Variants in NIN observed in about 807,000 individuals in gnomAD.
The protein encoded by NIN is glycogen synthase kinase 3 beta-interacting protein.
A neutral mutation model predicts 257.6 loss-of-function variants in NIN; 137 were observed. The ratio of observed to expected loss-of-function variants is 0.53; its 90% CI spans 0.46 to 0.61. The LOEUF is 0.61. Ranked by LOEUF, NIN falls within the 20% of genes least tolerant of loss-of-function variation. NIN has a pLI of 0.00. For missense variants in NIN, 2,439 were observed against 2,501.2 expected, an observed-to-expected ratio of 0.98 and a Z score of 0.53; for synonymous variants, 918 against 919.8, an observed-to-expected ratio of 1.00 and a Z score of 0.04.
Position 50,792,706 on chromosome 14 carries a change from C to A in NIN, c.435+6G>T. On this transcript the variant is annotated splice_donor_region_variant and intron_variant, in intron 5 of 30. Coordinates refer to ENST00000530997, the MANE Select transcript of NIN (RefSeq NM_020921.4). ...TCCAGATGAACGTGCATGCCCGATT[C>A]CTTACCTCACTGCAGTCACCGGCTG... 6.2e-7 allele frequency: 1 copy of A among 1,614,140 alleles called. No individual in the cohort carries two copies. The highest frequency in any genetic ancestry group is 8.5e-7 in the Non-Finnish European group (1 of 1,180,010).
rs531883956 is a variant in NIN, at chr14:50,793,314, C to T, written c.266-433G>A. 1.9e-4 allele frequency among the ~76,000 whole-genome samples: 29 copies of T among 151,960 alleles called. 1 individual carries two copies. The South Asian group carries it at 4.6e-3, about 24-fold the overall frequency. ...CAAATCAGCACTGTATACTCAGTAT[C>T]CACATCAATTAGTCTGAAACACCCT... On this transcript the variant is annotated intron_variant, in intron 4 of 30. Coordinates refer to ENST00000530997, the MANE Select transcript of NIN (RefSeq NM_020921.4).
chr14:50,809,920 G>A (rs909178939), intron 3 of NIN, among the ~76,000 whole-genome samples: 1 of 152,078 alleles, frequency 6.6e-6, no homozygotes, highest in African/African-American at 2.4e-5. Context: ...CAAAAGCTGA[G>A]GGAGGTGTCA....
chr14:50,757,916 C>T lies in NIN; in HGVS notation c.3114G>A (p.Val1038=), dbSNP rs753555121. 2 of 1,614,202 alleles carry T rather than the reference C, an allele frequency of 1.2e-6. No homozygotes were observed. Among genetic ancestry groups the T allele is most frequent in the Admixed American group, 3.3e-5 (2 of 60,034 alleles). ...CTCCTTCCACCTCCTCCTCTCCTAT[C>T]ACCTGGCAACCACTCTGAAGCATTG... is the stretch of plus-strand genomic sequence containing the variant. ...PLSMLQSGCQ[V]IGEEEVEGDG... Residue 1038 remains valine, a synonymous_variant, in exon 18 of 31, where the codon GTG becomes GTA. Coordinates refer to ENST00000530997, the MANE Select transcript of NIN (RefSeq NM_020921.4).
intron 27 of NIN, 62 bp downstream of exon 27, chr14:50,738,076 AAC>A: frequency 6.6e-7 from 1 of 1,521,176 alleles, no homozygotes; most frequent in Non-Finnish European, 9.0e-7. Flanking sequence ...CCTGAGAAGA[AAC>A]ACACTTAAGA....
At chr14:50,820,375 C>T (rs926845405) in intron 3 of NIN, among the ~76,000 whole-genome samples, 6 of 152,168 alleles carry the variant, frequency 3.9e-5, no homozygotes, top group Admixed American at 6.6e-5. Flanking sequence ...CTGTTTACGG[C>T]GTGGCATTCC....
chr14:50,738,800 C>T (rs1204438680), intron 26 of NIN, among the ~76,000 whole-genome samples: 1 of 152,192 alleles, frequency 6.6e-6, no homozygotes, highest in South Asian at 2.1e-4. Flanking sequence ...TTCAGAGTTC[C>T]TCCTCAAAAG....
Position 50,724,466 on chromosome 14 carries a change from C to CT in NIN, c.6193-795dup, listed in dbSNP as rs1041306940. Reference sequence around the variant, plus strand: ...ATGACAGCACTCTCAAGCTCAGAACCTAGATGACTGGCAGACATCACATAA... The same window carrying CT: ...ATGACAGCACTCTCAAGCTCAGAACCTTAGATGACTGGCAGACATCACATAA... On this transcript the variant is annotated intron_variant, in intron 30 of 30. Transcript: ENST00000530997. 1.6e-4 allele frequency among the ~76,000 whole-genome samples: 25 copies of CT among 152,168 alleles called. 1 individual carries two copies.
At chr14:50,730,828 C>T in intron 28 of NIN, 6 of 981,942 alleles carry the variant, frequency 6.1e-6, no homozygotes, top group Non-Finnish European at 5.4e-6. Flanking sequence ...TCCTTAAGTA[C>T]TTATTAACTG....
chr14:50,804,910 G>T (rs182913445), intron 4 of NIN, among the ~76,000 whole-genome samples: 2 of 152,204 alleles, frequency 1.3e-5, no homozygotes, highest in Non-Finnish European at 2.9e-5. Context: ...CCCATGGGCC[G>T]TGGGTTGGAC....
At chr14:50,791,376 T>C (rs1043098959) in intron 5 of NIN, among the ~76,000 whole-genome samples, 5 of 152,194 alleles carry the variant, frequency 3.3e-5, no homozygotes, top group African/African-American at 1.2e-4. Context: ...TTCTCAGCTT[T>C]TTCTGCTTTT....
Position 50,757,988 on chromosome 14 carries a change from T to C in NIN, c.3042A>G (p.Arg1014=), listed in dbSNP as rs2042111318. 2 of 1,614,104 alleles carry C rather than the reference T, an allele frequency of 1.2e-6. No homozygotes were observed. Among genetic ancestry groups the C allele is most frequent in the Non-Finnish European group, 8.5e-7 (1 of 1,180,058 alleles). Residue 1014 remains arginine, a synonymous_variant, in exon 18 of 31, where the codon AGA becomes AGG. Transcript: ENST00000530997. ...GCATTTCCTTTATTTTACTCTGAAG[T>C]CTGGAGATTTCTGTGCTCATCTCGG... ...ERAEMSTEIS[R]LQSKIKEMQQ... is the part of the protein sequence containing the mutation.
chr14:50,741,569 A>G lies in NIN; in HGVS notation c.5448+13T>C, dbSNP rs2041285403. The G allele has an allele frequency of 6.2e-7, 1 of 1,610,792 alleles. No homozygotes were observed. Among genetic ancestry groups the G allele is most frequent in the Non-Finnish European group, 8.5e-7 (1 of 1,178,922 alleles). On this transcript the variant is annotated intron_variant, in intron 25 of 30. Coordinates refer to ENST00000530997, the MANE Select transcript of NIN (RefSeq NM_020921.4). ...TAAATAACTTATACCTAAATAAAAA[A>G]AGAACAAATCACCTTGCCACCAGCA...
chr14:50,765,646 C>T (rs1049937817), intron 14 of NIN, among the ~76,000 whole-genome samples: 12 of 150,796 alleles, frequency 8.0e-5, no homozygotes, highest in African/African-American at 1.7e-4. Context: ...CTCTCCTGGC[C>T]GAAATTGGGA....
In NIN at chr14:50,821,804, G is replaced by A. The variant is rs373688094; in HGVS notation, c.183+70C>T. On this transcript the variant is annotated intron_variant, in intron 3 of 30. Coordinates refer to ENST00000530997, the MANE Select transcript of NIN (RefSeq NM_020921.4). The stretch of plus-strand genomic sequence containing the variant: ...AAACAAGTTGCAACATGTGTGGTCC[G>A]CCCCACCCCCAGCACCCCGGCAGAA... The A allele has an allele frequency of 4.0e-4, 518 of 1,283,298 alleles. 2 individuals carry two copies. In the African/African-American group the frequency reaches 5.9e-3, roughly 15 times the overall value. The allele number at this position is 1,283,298 out of a possible 1,614,324, so 79.5% of individuals were successfully genotyped here. A position where few individuals can be genotyped will look rare whatever the true frequency, so the allele number is the denominator to read the frequency against.
rs560275845 is a variant in NIN, at chr14:50,743,879, G to A, written c.5188-350C>T. ...CTTAAGGCAGGTGGGGAAAAAAGGT[G>A]GTGTTTTGGGATTTGCTAAAGAAGA... On this transcript the variant is annotated intron_variant, in intron 23 of 30. Coordinates refer to ENST00000530997, the MANE Select transcript of NIN (RefSeq NM_020921.4). 5.0e-4 allele frequency among the ~76,000 whole-genome samples: 76 copies of A among 152,124 alleles called. 2 individuals carry two copies. In the South Asian group the frequency reaches 0.015, roughly 29 times the overall value.
At chr14:50,767,741 C>T (rs1330672636) in intron 12 of NIN, among the ~76,000 whole-genome samples, 2 of 149,854 alleles carry the variant, frequency 1.3e-5, no homozygotes, top group Non-Finnish European at 3.0e-5. Context: ...GGTGTGAACC[C>T]GGGAGGTGGA....
In NIN at chr14:50,771,340, C is replaced by T. The variant is rs1487096932; in HGVS notation, c.1110G>A (p.Arg370=). The T allele has an allele frequency of 6.2e-7, 1 of 1,613,714 alleles. No individual in the cohort carries two copies. Among genetic ancestry groups the T allele is most frequent in the Non-Finnish European group, 8.5e-7 (1 of 1,179,948 alleles). ...AALASFKAEI[R]HLLERVDQVV... is the part of the protein sequence containing the mutation. ...CCTTCTGCTCAACTCACAACAAATG[C>T]CGGATTTCAGCCTTAAAGCTGGCCA... Residue 370 remains arginine (R), a synonymous_variant, in exon 10 of 31, where the codon CGG becomes CGA. Transcript: ENST00000530997.
At chr14:50,806,089 A>T (rs1419653623) in intron 4 of NIN, 1 of 152,252 alleles carries the variant, frequency 6.6e-6, no homozygotes, top group South Asian at 2.1e-4. Flanking sequence ...ATTGGCAACA[A>T]TTTTTGTTTT....
chr14:50,782,122 A>C (rs2043158839), intron 5 of NIN, among the ~76,000 whole-genome samples: 1 of 152,250 alleles, frequency 6.6e-6, no homozygotes, highest in Non-Finnish European at 1.5e-5. Flanking sequence ...AGTATTTAAG[A>C]TATAACTTCT....
Sources: gnomAD v4.1 joint callset for allele counts (sites outside exome capture counted in the v4.1 genomes callset) on GRCh38, gnomAD v4.1.1 for gene constraint, MANE v1.5 for transcripts, NCBI Gene and HGNC (gene_info 2026-07-23, HGNC 2026-07-21) for gene names.